TMEFF1: variants seen among roughly 807,000 people sequenced by gnomAD.
TMEFF1 encodes the protein transmembrane protein with EGF like and two follistatin like domains 1.
Under a neutral mutation model 47.5 loss-of-function variants are expected in TMEFF1, and 20 were observed. The ratio of observed to expected loss-of-function variants is 0.42; its 90% CI spans 0.30 to 0.61. TMEFF1 has a LOEUF of 0.61. TMEFF1 is among the 20% of genes least tolerant of loss of function. The pLI is 0.19. For missense variants in TMEFF1, 411 were observed against 471.1 expected (o/e 0.87, Z 1.18); for synonymous variants, 162 against 166.3 (o/e 0.97, Z 0.20).
At chr9:100,576,204 T>C (rs1265816920) in intron 9 of TMEFF1, among the ~76,000 whole-genome samples, 1 of 152,138 alleles carries the variant, frequency 6.6e-6, no homozygotes, top group East Asian at 1.9e-4. Context: ...GTTTCTAGGC[T>C]GGAGGAAGGG....
intron 5 of TMEFF1, among the ~76,000 whole-genome samples, chr9:100,522,564 G>A (rs1468322034): frequency 4.8e-5 from 7 of 147,296 alleles, no homozygotes; most frequent in Non-Finnish European, 7.4e-5. Context: ...AGCCTCCCAA[G>A]GAGCTGGGAT....
In TMEFF1 at chr9:100,524,817, G is replaced by A. The variant is rs146412792; in HGVS notation, c.560+8046G>A. 6.0e-3 allele frequency among the ~76,000 whole-genome samples: 917 copies of A among 152,210 alleles called. 9 individuals carry two copies. The highest frequency in any genetic ancestry group is 0.021 in the African/African-American group (856 of 41,522). On this transcript the variant is annotated intron_variant, in intron 5 of 9. Transcript: ENST00000374879. Reference sequence around the variant, plus strand: ...CGTGCAGATTTGTTACATAGTGCATGTGCCATGATGGTTTGCTGCACCCAT... The same window carrying A: ...CGTGCAGATTTGTTACATAGTGCATATGCCATGATGGTTTGCTGCACCCAT...
intron 1 of TMEFF1, among the ~76,000 whole-genome samples, chr9:100,476,587 T>A (rs765515309): frequency 6.6e-6 from 1 of 151,400 alleles, no homozygotes; most frequent in Non-Finnish European, 1.5e-5. Flanking sequence ...GGGATGGGGT[T>A]TCACAATGTT....
intron 1 of TMEFF1, among the ~76,000 whole-genome samples, chr9:100,496,740 A>G (rs1235510799): frequency 1.3e-5 from 2 of 152,248 alleles, no homozygotes; most frequent in African/African-American, 4.8e-5. Flanking sequence ...TCAAAGTAGC[A>G]AATCATAACT....
chr9:100,507,507 C>T (rs1837884811), intron 2 of TMEFF1, among the ~76,000 whole-genome samples: 1 of 152,138 alleles, frequency 6.6e-6, no homozygotes, highest in Non-Finnish European at 1.5e-5. Flanking sequence ...TGCAGTCCCA[C>T]AAGCATCTGT....
rs1474862526 is a variant in TMEFF1 at position 100,561,067 on chromosome 9, C to T, written c.776-330C>T. Among the ~76,000 whole-genome samples the T allele has an allele frequency of 2.0e-5, 3 of 152,282 alleles. No individual in the cohort carries two copies. In the East Asian group the frequency reaches 5.8e-4, roughly 29 times the overall value. On this transcript the variant is annotated intron_variant, in intron 7 of 9. Coordinates refer to ENST00000374879, the MANE Select transcript of TMEFF1 (RefSeq NM_003692.5). ...ACCATCTGTCTGTCACAGAGGTGAA[C>T]TTTCTTTTAGAGCATTTATTTCTTT...
At chr9:100,481,617 G>A (rs1837339234) in intron 1 of TMEFF1, among the ~76,000 whole-genome samples, 1 of 152,184 alleles carries the variant, frequency 6.6e-6, no homozygotes, top group Non-Finnish European at 1.5e-5. Flanking sequence ...AAGGGTTTGA[G>A]TGACATTATG....
chr9:100,476,164 G>A (rs1837224314), intron 1 of TMEFF1, among the ~76,000 whole-genome samples: 1 of 152,084 alleles, frequency 6.6e-6, no homozygotes, highest in African/African-American at 2.4e-5. Context: ...GAATAACTGG[G>A]TCTAAAGCTA....
chr9:100,543,006 G>A (rs989230705), intron 5 of TMEFF1, among the ~76,000 whole-genome samples: 7 of 147,096 alleles, frequency 4.8e-5, no homozygotes, highest in African/African-American at 7.5e-5. Flanking sequence ...TTGGCTCAGC[G>A]CAACCTCCGC....
At chr9:100,557,402 C>T (rs1376212892) in intron 7 of TMEFF1, among the ~76,000 whole-genome samples, 3 of 152,062 alleles carry the variant, frequency 2.0e-5, no homozygotes, top group Non-Finnish European at 2.9e-5. Context: ...CTTGTCCATA[C>T]GATGAAGAAA....
rs184179813 is a variant in TMEFF1 at position 100,568,213 on chromosome 9, C to T, written c.900-4305C>T. Among the ~76,000 whole-genome samples the T allele has an allele frequency of 3.4e-3, 522 of 152,274 alleles. 11 individuals carry two copies. Among genetic ancestry groups the T allele is most frequent in the Non-Finnish European group, 9.3e-4 (63 of 68,014 alleles). ...AGGGATGATATATGGCCTATTGGTT[C>T]TTTTTGATACTCTGATTTTAATCTT... On this transcript the variant is annotated intron_variant, in intron 8 of 9. Transcript: ENST00000374879.
intron 2 of TMEFF1, among the ~76,000 whole-genome samples, chr9:100,504,017 A>G (rs1385539955): frequency 6.6e-6 from 1 of 152,234 alleles, no homozygotes; most frequent in African/African-American, 2.4e-5. Context: ...TAGGTACACA[A>G]TAAATGCTTG....
intron 8 of TMEFF1, among the ~76,000 whole-genome samples, chr9:100,571,203 G>A (rs1382669303): frequency 6.6e-6 from 1 of 152,144 alleles, no homozygotes; most frequent in African/African-American, 2.4e-5. Flanking sequence ...TCAGAGGACT[G>A]TAAATGTTTA....
chr9:100,532,498 C>T (rs1178240853), intron 5 of TMEFF1, among the ~76,000 whole-genome samples: 2 of 152,104 alleles, frequency 1.3e-5, no homozygotes, highest in African/African-American at 2.4e-5. Context: ...TGCTCATCAT[C>T]ACTGGCCATC....
chr9:100,572,732 T>TTA, intron 9 of TMEFF1, 56 bp downstream of exon 9: 10 of 1,527,996 alleles, frequency 6.5e-6, no homozygotes, highest in Non-Finnish European at 8.8e-6. Context: ...AACTGTTTAT[T>TTA]TATAGATGCT....
intron 9 of TMEFF1, 49 bp downstream of exon 9, chr9:100,572,725 T>A: frequency 6.5e-7 from 1 of 1,547,230 alleles, no homozygotes; most frequent in Non-Finnish European, 8.7e-7. Flanking sequence ...GGCAGGCAAC[T>A]GTTTATTTAT....
chr9:100,484,055 T>C (rs1837399458), intron 1 of TMEFF1, among the ~76,000 whole-genome samples: 1 of 152,192 alleles, frequency 6.6e-6, no homozygotes, highest in Non-Finnish European at 1.5e-5. Flanking sequence ...AGAGTAGATT[T>C]CAAGTATCTC....
At chr9:100,556,369 T>A (rs558071811) in intron 7 of TMEFF1, among the ~76,000 whole-genome samples, 133 of 152,320 alleles carry the variant, frequency 8.7e-4, no homozygotes, top group Admixed American at 2.6e-3. Flanking sequence ...ATTACAAGCA[T>A]CTTCAATAAA....
At chr9:100,504,813 C>T (rs1476406252) in intron 2 of TMEFF1, among the ~76,000 whole-genome samples, 3 of 152,142 alleles carry the variant, frequency 2.0e-5, no homozygotes, top group Non-Finnish European at 4.4e-5. Flanking sequence ...AGTTAGGACA[C>T]TTAAAGTTGT....
Sources: allele counts gnomAD v4.1 joint callset (sites outside exome capture counted in the v4.1 genomes callset), GRCh38; gene constraint gnomAD v4.1.1; transcripts MANE v1.5; gene names NCBI Gene and HGNC (gene_info 2026-07-23, HGNC 2026-07-21).